Variants in PDE4D observed in about 807,000 individuals in gnomAD.
The protein encoded by PDE4D is 3',5'-cyclic-AMP phosphodiesterase 4D.
In PDE4D, 24 loss-of-function variants were observed where a neutral mutation model predicts 87.4. The observed-to-expected ratio is 0.27, with a 90% CI of 0.20 to 0.39. The LOEUF is 0.39. Among genes scored for constraint, PDE4D ranks in the 10% least tolerant of loss-of-function variants. The pLI is 1.00. For missense variants in PDE4D, 714 were observed against 1,041.0 expected, an observed-to-expected ratio of 0.69 and a Z score of 4.32; for synonymous variants, 384 against 383.2, an observed-to-expected ratio of 1.00 and a Z score of -0.02.
At chr5:60,131,952 A>C (rs756088316) in intron 2 of PDE4D, among the ~76,000 whole-genome samples, 32 of 152,204 alleles carry the variant, frequency 2.1e-4, no homozygotes, top group Non-Finnish European at 3.1e-4. Context: ...TCTCTGCAAT[A>C]ATTGACTTTG....
chr5:60,399,882 C>T (rs934338532), intron 1 of PDE4D, among the ~76,000 whole-genome samples: 1 of 152,234 alleles, frequency 6.6e-6, no homozygotes, highest in African/African-American at 2.4e-5. Context: ...ACCAGATAAC[C>T]TGGTATCTCT....
Position 58,998,985 on chromosome 5 carries a change from T to G in PDE4D, c.922-5520A>C, listed in dbSNP as rs539576056. 7.3e-5 allele frequency among the ~76,000 whole-genome samples: 11 copies of G among 151,544 alleles called. No homozygotes were observed. In the East Asian group the frequency reaches 2.1e-3, roughly 29 times the overall value. On this transcript the variant is annotated intron_variant, in intron 6 of 14. Coordinates refer to ENST00000340635, the MANE Select transcript of PDE4D (RefSeq NM_001104631.2). ...TTTGCAAGTATAATAGACAATCAAG[T>G]TTTCACTTTAGTATCACTTACATAG...
intron 1 of PDE4D, among the ~76,000 whole-genome samples, chr5:60,280,014 T>A: frequency 6.6e-6 from 1 of 151,924 alleles, no homozygotes; most frequent in East Asian, 1.9e-4. Context: ...AAGTCTGGTA[T>A]ATATGAGAAA....
intron 1 of PDE4D, among the ~76,000 whole-genome samples, chr5:60,350,790 T>A (rs907394642): frequency 1.2e-4 from 18 of 152,186 alleles, no homozygotes; most frequent in Non-Finnish European, 2.5e-4. Flanking sequence ...TTTATGGTAA[T>A]CAAAGGGTCT....
chr5:59,331,788 A>G (rs556752287), intron 1 of PDE4D, among the ~76,000 whole-genome samples: 1 of 152,334 alleles, frequency 6.6e-6, no homozygotes, highest in Admixed American at 6.5e-5. Context: ...GTCACTCTGA[A>G]TCTCTCAAAC....
At chr5:59,537,022 G>C (rs1233923778) in intron 1 of PDE4D, among the ~76,000 whole-genome samples, 1 of 152,142 alleles carries the variant, frequency 6.6e-6, no homozygotes, top group Non-Finnish European at 1.5e-5. Context: ...TAGTTTACTA[G>C]ATGATTAAAT....
At chr5:59,416,114 C>T (rs1321176878) in intron 1 of PDE4D, among the ~76,000 whole-genome samples, 1 of 152,192 alleles carries the variant, frequency 6.6e-6, no homozygotes, top group Non-Finnish European at 1.5e-5. Flanking sequence ...ACTCTCTTGT[C>T]CGGGTCAACA....
At chr5:60,521,832 A>AT (rs1406440056) in intron 1 of PDE4D, 1 of 152,094 alleles carries the variant, frequency 6.6e-6, no homozygotes, top group African/African-American at 2.4e-5. Flanking sequence ...GGGAGAAGAC[A>AT]TTGGAATCTC....
chr5:60,089,910 G>C (rs1774945244), intron 2 of PDE4D, among the ~76,000 whole-genome samples: 1 of 149,662 alleles, frequency 6.7e-6, no homozygotes, highest in African/African-American at 2.4e-5. Context: ...CCAACAAATA[G>C]GAAAACCTAA....
chr5:59,794,559 T>C (rs1246169183), intron 1 of PDE4D, among the ~76,000 whole-genome samples: 1 of 152,094 alleles, frequency 6.6e-6, no homozygotes, highest in African/African-American at 2.4e-5. Flanking sequence ...CCTATAAATG[T>C]TTACTGTAAT....
chr5:60,012,594 C>A (rs1348474189), intron 2 of PDE4D, among the ~76,000 whole-genome samples: 1 of 139,228 alleles, frequency 7.2e-6, no homozygotes, highest in African/African-American at 2.5e-5. Context: ...ACTGCTATAA[C>A]CAAAAAAAAT....
chr5:59,602,850 A>G (rs1209639741), intron 1 of PDE4D, among the ~76,000 whole-genome samples: 2 of 152,100 alleles, frequency 1.3e-5, no homozygotes, highest in Non-Finnish European at 2.9e-5. Flanking sequence ...ATATAGACCA[A>G]TGAAACATAA....
chr5:59,014,013 A>G (rs1352189623), intron 6 of PDE4D, among the ~76,000 whole-genome samples: 1 of 152,240 alleles, frequency 6.6e-6, no homozygotes, highest in Non-Finnish European at 1.5e-5. Flanking sequence ...AATAAACGTA[A>G]TCCATCATAT....
intron 1 of PDE4D, chr5:59,356,927 C>A (rs1049890890): frequency 2.1e-6 from 3 of 1,437,818 alleles, no homozygotes; most frequent in African/African-American, 1.5e-5. Flanking sequence ...AGGCCCCGCA[C>A]GGAGCAGGAG....
chr5:59,175,936 C>G (rs577839715), intron 5 of PDE4D, among the ~76,000 whole-genome samples: 1 of 152,030 alleles, frequency 6.6e-6, no homozygotes, highest in South Asian at 2.1e-4. Context: ...AACTTGAACT[C>G]TATCCTTTTA....
At chr5:60,011,142 C>T (rs1213137060) in intron 2 of PDE4D, among the ~76,000 whole-genome samples, 1 of 152,102 alleles carries the variant, frequency 6.6e-6, no homozygotes, top group Non-Finnish European at 1.5e-5. Flanking sequence ...CCATTAGTTC[C>T]AGCAATCACT....
At chr5:59,381,577 C>A (rs1200549281) in intron 1 of PDE4D, among the ~76,000 whole-genome samples, 2 of 152,138 alleles carry the variant, frequency 1.3e-5, no homozygotes, top group African/African-American at 4.8e-5. Flanking sequence ...ACAATCACCT[C>A]TTTTATATAC....
intron 2 of PDE4D, among the ~76,000 whole-genome samples, chr5:60,026,657 T>C (rs1430348562): frequency 2.0e-5 from 3 of 152,080 alleles, no homozygotes; most frequent in African/African-American, 7.2e-5. Flanking sequence ...CCATTAGCCA[T>C]CCCCTCAGCT....
At chr5:60,385,801 A>T (rs34000941) in intron 1 of PDE4D, among the ~76,000 whole-genome samples, 18,405 of 152,028 alleles carry the variant, frequency 0.12, 1,555 homozygotes, top group East Asian at 0.4. Context: ...TCCTATTTTC[A>T]TCTACCTGGA....
Sources: gnomAD v4.1 joint callset for allele counts (sites outside exome capture counted in the v4.1 genomes callset) on GRCh38, gnomAD v4.1.1 for gene constraint, MANE v1.5 for transcripts, NCBI Gene and HGNC (gene_info 2026-07-23, HGNC 2026-07-21) for gene names.